The following CSNK1E variants were observed in gnomAD, a reference collection of about 807,000 sequenced individuals.
CSNK1E encodes casein kinase 1 epsilon.
Under a neutral mutation model 46.1 loss-of-function variants are expected in CSNK1E, and 17 were observed. The ratio of observed to expected loss-of-function variants is 0.37; its 90% CI spans 0.25 to 0.55. The LOEUF (loss-of-function observed/expected upper bound fraction) is 0.55. Ranked by LOEUF, CSNK1E falls within the 20% of genes least tolerant of loss-of-function variation. The pLI is 0.82. For synonymous variants in CSNK1E, 241 were observed against 242.6 expected, an observed-to-expected ratio of 0.99 and a Z score of 0.06; for missense variants, 386 against 595.4, an observed-to-expected ratio of 0.65 and a Z score of 3.66.
intron 7 of CSNK1E, chr22:38,296,805 C>A: frequency 7.6e-7 from 1 of 1,320,410 alleles, no homozygotes; most frequent in Non-Finnish European, 1.0e-6. Flanking sequence ...ATCTGCCTTG[C>A]CGGATGTGGT....
chr22:38,317,808 T>TA (rs1304816457), upstream of CSNK1E, among the ~76,000 whole-genome samples: 1 of 152,078 alleles, frequency 6.6e-6, no homozygotes, highest in Non-Finnish European at 1.5e-5. Flanking sequence ...ACTGGGCCCC[T>TA]GCGAAAACAG....
intron 7 of CSNK1E, chr22:38,296,719 G>C: frequency 6.2e-7 from 1 of 1,604,346 alleles, no homozygotes; most frequent in Non-Finnish European, 8.5e-7. Flanking sequence ...TGGCTAGACA[G>C]TCTTGTGAGA....
Position 38,294,550 on chromosome 22 carries a change from A to G in CSNK1E, c.886-16T>C. ...GGGCTGCACCCTGCAGGGATGCAAG[A>G]AAAGACACCAGTCAGCCCCAGAGGC... On this transcript the variant is annotated splice_polypyrimidine_tract_variant and intron_variant, in intron 7 of 10. Transcript: ENST00000396832. The surrounding 1 kb of genome is among the most constrained non-coding windows in gnomAD (Gnocchi z 5.5). 1.3e-6 allele frequency: 2 copies of G among 1,568,322 alleles called. No individual in the cohort carries two copies. The highest frequency in any genetic ancestry group is 2.3e-5 in the South Asian group (2 of 85,472).
rs746723989 is a variant in CSNK1E at position 38,314,131 on chromosome 22, G to A, written c.27C>T (p.Tyr9=). The change falls in exon 2 of 11, where the codon TAC becomes TAT. Residue 9 remains tyrosine (Y), a synonymous_variant. Transcript: ENST00000396832. MELRVGNK[Y]RLGRKIGSGS... ...CGCTCCCGATCTTCCGTCCCAGGCGGTACTTGTTCCCCACACGTAGCTCCA... is the reference window on the plus strand; with the variant it reads ...CGCTCCCGATCTTCCGTCCCAGGCGATACTTGTTCCCCACACGTAGCTCCA... 5.5e-5 allele frequency: 88 copies of A among 1,613,974 alleles called. No individual in the cohort carries two copies. Among genetic ancestry groups the A allele is most frequent in the Non-Finnish European group, 7.2e-5 (85 of 1,179,970 alleles).
rs201784219 is a variant in CSNK1E at position 38,299,882 on chromosome 22, C to T, written c.736+13G>A. ...GGGCCCCCAGGCATGTCCCCTCCCA[C>T]TGGGCTACTCACAGGGATAGCCTTT... On this transcript the variant is annotated intron_variant, in intron 6 of 10. Transcript: ENST00000396832. The T allele has an allele frequency of 1.9e-6, 3 of 1,610,950 alleles. No individual in the cohort carries two copies. In the South Asian group the frequency reaches 3.3e-5, roughly 18 times the overall value.
chr22:38,313,129 T>C (rs1763895781), intron 2 of CSNK1E, among the ~76,000 whole-genome samples: 2 of 152,190 alleles, frequency 1.3e-5, no homozygotes, highest in African/African-American at 2.4e-5. Context: ...ACCCTAACCA[T>C]GGGGTAACAG....
chr22:38,311,567 C>T (rs935082568), intron 2 of CSNK1E, among the ~76,000 whole-genome samples: 1 of 152,184 alleles, frequency 6.6e-6, no homozygotes, highest in African/African-American at 2.4e-5. Flanking sequence ...TCTCCATGCC[C>T]TTTGACCTCC....
rs138770642 is a variant in CSNK1E, at chr22:38,299,788, G to A, written c.736+107C>T. ...CTCCCAAAGTGCCAGGACTGCAGGCGTGAACCACCGCGCCTAGCCCCAGCG... is the reference window on the plus strand; with the variant it reads ...CTCCCAAAGTGCCAGGACTGCAGGCATGAACCACCGCGCCTAGCCCCAGCG... On this transcript the variant is annotated intron_variant, in intron 6 of 10. Coordinates refer to ENST00000396832, the MANE Select transcript of CSNK1E (RefSeq NM_152221.3). 1,049 of 1,334,612 alleles carry A rather than the reference G, an allele frequency of 7.9e-4. 2 individuals carry two copies. In the African/African-American group the frequency reaches 0.014, roughly 18 times the overall value. The allele number at this position is 1,334,612 out of a possible 1,614,324, so 82.7% of individuals were successfully genotyped here. A position where few individuals can be genotyped will look rare whatever the true frequency, so the allele number is the denominator to read the frequency against.
At chr22:38,297,072 C>A in intron 7 of CSNK1E, 1 of 760,168 alleles carries the variant, frequency 1.3e-6, no homozygotes, top group Non-Finnish European at 2.4e-6. Flanking sequence ...CCAGGCCTGG[C>A]CGACATTTCC....
rs916553144 is a variant in CSNK1E, at chr22:38,309,464, CTTTT to C, written c.76+4614_76+4617del. ...GTACTACTGTTTGTATTTCTTTTTTCTTTTTTTTTTGAGACAGCTTCACTTTGTC... is the reference window on the plus strand; with the variant it reads ...GTACTACTGTTTGTATTTCTTTTTTCTTTTTTGAGACAGCTTCACTTTGTC... On this transcript the variant is annotated intron_variant, in intron 2 of 10. Coordinates refer to ENST00000396832, the MANE Select transcript of CSNK1E (RefSeq NM_152221.3). This position sits in a 1 kb window ranked among gnomAD's most constrained non-coding sequence, Gnocchi z 4.8. 6.7e-6 allele frequency among the ~76,000 whole-genome samples: 1 copy of C among 148,782 alleles called. No homozygotes were observed. The highest frequency in any genetic ancestry group is 1.5e-5 in the Non-Finnish European group (1 of 66,938).
intron 4 of CSNK1E, among the ~76,000 whole-genome samples, chr22:38,302,585 C>A (rs534513115): frequency 1.3e-5 from 2 of 152,208 alleles, no homozygotes; most frequent in South Asian, 4.1e-4. Context: ...GTGGCAGGTG[C>A]CTGTAATCCC....
chr22:38,309,631 T>G lies in CSNK1E; in HGVS notation c.76+4451A>C, dbSNP rs1690593420. On this transcript the variant is annotated intron_variant, in intron 2 of 10. Transcript: ENST00000396832. The surrounding 1 kb of genome is among the most constrained non-coding windows in gnomAD (Gnocchi z 4.8). ...CACCACGCCTGGCTAATTTTTGTATTATTAGTAGAGATGGGGTTTCACCAT... is the reference window on the plus strand; with the variant it reads ...CACCACGCCTGGCTAATTTTTGTATGATTAGTAGAGATGGGGTTTCACCAT... Among the ~76,000 whole-genome samples the G allele has an allele frequency of 6.6e-6, 1 of 152,006 alleles. No individual in the cohort carries two copies. Among genetic ancestry groups the G allele is most frequent in the African/African-American group, 2.4e-5 (1 of 41,368 alleles).
rs1453532105 is a variant in CSNK1E, at chr22:38,303,998, C to T, written c.77-750G>A. 6.6e-6 allele frequency among the ~76,000 whole-genome samples: 1 copy of T among 152,164 alleles called. No individual in the cohort carries two copies. The highest frequency in any genetic ancestry group is 1.5e-5 in the Non-Finnish European group (1 of 68,034). ...AAATACCCTCACACACACCAAGGCC[C>T]CGCTCTCTGCCTGGGCCCACTGCCC... On this transcript the variant is annotated intron_variant, in intron 2 of 10. Transcript: ENST00000396832. The surrounding 1 kb of genome is among the most constrained non-coding windows in gnomAD (Gnocchi z 4.7).
In CSNK1E at chr22:38,314,070, AG is replaced by A. The variant is rs1320565746; in HGVS notation, c.76+11del. On this transcript the variant is annotated intron_variant, in intron 2 of 10. Coordinates refer to ENST00000396832, the MANE Select transcript of CSNK1E (RefSeq NM_152221.3). The stretch of plus-strand genomic sequence containing the variant: ...GGCCCCAGGGGCTCCAGCTGGAGCT[AG>A]GAACACTTACCCAGGTAGATATCTC... The A allele has an allele frequency of 1.2e-6, 2 of 1,612,186 alleles. No homozygotes were observed. Among genetic ancestry groups the A allele is most frequent in the African/African-American group, 1.3e-5 (1 of 74,856 alleles).
intron 1 of CSNK1E, among the ~76,000 whole-genome samples, chr22:38,314,991 G>C (rs972106330): frequency 6.6e-6 from 1 of 152,210 alleles, no homozygotes. Flanking sequence ...TGCTGCCGTG[G>C]GGACAGGGAC....
At position 38,290,691 on chromosome 22, in the gene CSNK1E, T is replaced by A. The variant is rs987401345; in HGVS notation, c.*1280A>T. The A allele has an allele frequency of 2.0e-5, 3 of 152,556 alleles. No homozygotes were observed. Among genetic ancestry groups the A allele is most frequent in the Non-Finnish European group, 4.4e-5 (3 of 68,030 alleles). The allele number at this position is 152,556 out of a possible 1,614,324, so 9.5% of individuals were successfully genotyped here. A position where few individuals can be genotyped will look rare whatever the true frequency, so the allele number is the denominator to read the frequency against. On this transcript the variant is annotated 3_prime_UTR_variant, in exon 11 of 11. Transcript: ENST00000396832. The stretch of plus-strand genomic sequence containing the variant: ...AGAGGTGGACAAAGGGCTGCCTGCA[T>A]CACTTTATCTTTTCTACTTTATTAC...
chr22:38,297,029 C>A (rs1053002950), intron 7 of CSNK1E: 10 of 715,978 alleles, frequency 1.4e-5, no homozygotes, highest in Non-Finnish European at 2.3e-5. Context: ...CCTCTATGGC[C>A]TCCCAAAGTG....
At position 38,291,269 on chromosome 22, in the gene CSNK1E, C is replaced by T. The variant is rs781299883; in HGVS notation, c.*702G>A. On this transcript the variant is annotated 3_prime_UTR_variant, in exon 11 of 11. Coordinates refer to ENST00000396832, the MANE Select transcript of CSNK1E (RefSeq NM_152221.3). ...GTCCTTGTTAGTAGACACAGGAGAA[C>T]GGGAATTCGGGCTGGCAGGCGGGGC... 2.0e-5 allele frequency: 3 copies of T among 152,772 alleles called. No individual in the cohort carries two copies. Among genetic ancestry groups the T allele is most frequent in the South Asian group, 2.1e-4 (1 of 4,842 alleles). 9.5% of individuals were successfully genotyped at this position (152,772 alleles called of 1,614,324 possible).
At chr22:38,312,121 T>C (rs866938420) in intron 2 of CSNK1E, among the ~76,000 whole-genome samples, 24 of 152,158 alleles carry the variant, frequency 1.6e-4, no homozygotes, top group African/African-American at 5.5e-4. Context: ...TTTTGAGACA[T>C]GGTCTCACTC....
Sources: gnomAD v4.1 joint callset for allele counts (sites outside exome capture counted in the v4.1 genomes callset) on GRCh38, gnomAD v4.1.1 for gene constraint, Gnocchi (gnomAD v3.1) non-coding constraint, MANE v1.5 for transcripts, NCBI Gene and HGNC (gene_info 2026-07-23, HGNC 2026-07-21) for gene names.